The following BABAM2 variants were observed in gnomAD, a reference collection of about 807,000 sequenced individuals.
BABAM2 encodes the protein BRISC and BRCA1 A complex member 2, also known as BRISC and BRCA1-A complex member 2.
In BABAM2, 31 loss-of-function variants were observed where a neutral mutation model predicts 54.7. That is an observed-to-expected ratio of 0.57 (90% confidence interval 0.43 to 0.77). BABAM2 has a LOEUF of 0.77. BABAM2 is among the 30% of genes least tolerant of loss of function. BABAM2 has a pLI of 0.00. For synonymous variants in BABAM2, 167 were observed against 162.9 expected (o/e 1.03, Z -0.19); for missense variants, 364 against 455.8 (o/e 0.80, Z 1.83).
chr2:28,173,298 A>G (rs571486047), intron 7 of BABAM2, among the ~76,000 whole-genome samples: 1 of 152,296 alleles, frequency 6.6e-6, no homozygotes, highest in African/African-American at 2.4e-5. Flanking sequence ...GACTAACCAC[A>G]TATAAATAAG....
intron 11 of BABAM2, among the ~76,000 whole-genome samples, chr2:28,324,244 G>A (rs537845379): frequency 7.9e-5 from 12 of 152,122 alleles, no homozygotes; most frequent in African/African-American, 1.4e-4. Context: ...GAGAGAACAC[G>A]AAATCAAAAA....
intron 6 of BABAM2, among the ~76,000 whole-genome samples, chr2:28,128,598 A>G (rs1356049347): frequency 6.6e-6 from 1 of 152,180 alleles, no homozygotes; most frequent in African/African-American, 2.4e-5. Flanking sequence ...GTTTAGTTTT[A>G]TCATTATCAG....
At chr2:27,899,989 C>A (rs543698815) in intron 2 of BABAM2, among the ~76,000 whole-genome samples, 2 of 152,266 alleles carry the variant, frequency 1.3e-5, no homozygotes, top group South Asian at 4.1e-4. Context: ...TTTAGAAGTT[C>A]ATTAACAATT....
chr2:28,227,629 A>G (rs986655515), intron 7 of BABAM2, among the ~76,000 whole-genome samples: 1 of 151,992 alleles, frequency 6.6e-6, no homozygotes, highest in Non-Finnish European at 1.5e-5. Context: ...TGTTTTCCTT[A>G]CCTTCCTGTT....
intron 7 of BABAM2, among the ~76,000 whole-genome samples, chr2:28,235,639 ACT>A (rs1465366494): frequency 2.0e-5 from 3 of 149,926 alleles, no homozygotes; most frequent in Non-Finnish European, 4.4e-5. Context: ...AGTGCCCTAA[ACT>A]CTTTTTTTGT....
intron 6 of BABAM2, among the ~76,000 whole-genome samples, chr2:28,093,978 A>G (rs1284799893): frequency 2.0e-5 from 3 of 152,058 alleles, no homozygotes; most frequent in Non-Finnish European, 4.4e-5. Flanking sequence ...ATGATAACCA[A>G]ATTGTTCTCT....
chr2:28,136,700 A>G (rs530289803), intron 7 of BABAM2, among the ~76,000 whole-genome samples: 2 of 152,158 alleles, frequency 1.3e-5, no homozygotes, highest in Admixed American at 1.3e-4. Flanking sequence ...ATGTGACCTA[A>G]TATAGTCCTG....
At chr2:27,954,671 T>C (rs985737611) in intron 3 of BABAM2, among the ~76,000 whole-genome samples, 4 of 152,188 alleles carry the variant, frequency 2.6e-5, no homozygotes, top group African/African-American at 4.8e-5. Flanking sequence ...AACTGGACTT[T>C]TATGTGGCAT....
At chr2:28,250,718 G>C (rs1490206873) in intron 10 of BABAM2, among the ~76,000 whole-genome samples, 1 of 151,764 alleles carries the variant, frequency 6.6e-6, no homozygotes, top group African/African-American at 2.4e-5. Context: ...TCCTGCCTCA[G>C]CCTCCTGAGT....
intron 3 of BABAM2, among the ~76,000 whole-genome samples, chr2:27,981,852 CTGTTGGG>C (rs1330913982): frequency 3.3e-5 from 5 of 152,094 alleles, no homozygotes; most frequent in African/African-American, 1.2e-4. Context: ...GTCTTCACTT[CTGTTGGG>C]TATATGTATA....
chr2:27,924,714 C>T (rs1376295267), intron 2 of BABAM2, among the ~76,000 whole-genome samples: 2 of 152,052 alleles, frequency 1.3e-5, no homozygotes, highest in South Asian at 2.1e-4. Flanking sequence ...AACAGAAAAA[C>T]GAGCACCCTC....
At chr2:28,176,057 C>T (rs1028368381) in intron 7 of BABAM2, among the ~76,000 whole-genome samples, 2 of 152,202 alleles carry the variant, frequency 1.3e-5, no homozygotes, top group African/African-American at 2.4e-5. Flanking sequence ...TAACACCATA[C>T]ATACATCTTC....
chr2:28,101,159 C>T (rs148129131), intron 6 of BABAM2, among the ~76,000 whole-genome samples: 2 of 152,292 alleles, frequency 1.3e-5, no homozygotes, highest in African/African-American at 4.8e-5. Flanking sequence ...TTTTAAATAA[C>T]TTATCCAGCC....
chr2:27,924,866 AT>A, intron 2 of BABAM2, among the ~76,000 whole-genome samples: 1 of 152,330 alleles, frequency 6.6e-6, no homozygotes, highest in South Asian at 2.1e-4. Flanking sequence ...CTATACACCT[AT>A]TTATCCTAGA....
At chr2:27,991,176 T>C (rs1672750555) in intron 4 of BABAM2, among the ~76,000 whole-genome samples, 3 of 152,240 alleles carry the variant, frequency 2.0e-5, no homozygotes, top group Admixed American at 2.0e-4. Flanking sequence ...CTGGACCTAC[T>C]GAATTATATC....
intron 3 of BABAM2, among the ~76,000 whole-genome samples, chr2:27,936,989 A>G (rs1204834062): frequency 1.3e-5 from 2 of 152,182 alleles, no homozygotes; most frequent in Admixed American, 6.5e-5. Context: ...ATCAGGTATT[A>G]TCATTTTATT....
intron 3 of BABAM2, among the ~76,000 whole-genome samples, chr2:27,974,127 A>G (rs1040198313): frequency 2.6e-5 from 4 of 152,188 alleles, no homozygotes; most frequent in Non-Finnish European, 5.9e-5. Context: ...TTAAGACAAA[A>G]AGTCACCAAT....
chr2:28,315,636 T>A (rs1689487053), intron 11 of BABAM2, among the ~76,000 whole-genome samples: 1 of 150,576 alleles, frequency 6.6e-6, no homozygotes, highest in South Asian at 2.1e-4. Flanking sequence ...CTGGGCTGAT[T>A]TTTTATTTAT....
At chr2:27,893,506 T>A (rs543378736) in intron 1 of BABAM2, among the ~76,000 whole-genome samples, 6 of 152,342 alleles carry the variant, frequency 3.9e-5, no homozygotes, top group African/African-American at 1.4e-4. Flanking sequence ...GCACATTATC[T>A]TCTCTCCATA....
Sources: gnomAD v4.1 joint callset for allele counts (sites outside exome capture counted in the v4.1 genomes callset) on GRCh38, gnomAD v4.1.1 for gene constraint, MANE v1.5 for transcripts, NCBI Gene and HGNC (gene_info 2026-07-23, HGNC 2026-07-21) for gene names.